Variants in PFKM observed in about 807,000 individuals in gnomAD.
PFKM encodes the protein ATP-dependent 6-phosphofructokinase, muscle type.
A neutral mutation model predicts 95.5 loss-of-function variants in PFKM; 58 were observed. That is an observed-to-expected ratio of 0.61 (90% CI 0.49 to 0.76). The LOEUF (loss-of-function observed/expected upper bound fraction) is 0.76. Among genes scored for constraint, PFKM ranks in the 30% least tolerant of loss-of-function variants. The probability of loss-of-function intolerance (pLI) is 0.00; values close to 1 mark genes in which losing one functional copy is unlikely to be tolerated. For missense variants in PFKM, 678 were observed against 1,005.4 expected (o/e 0.67, Z 4.40); for synonymous variants, 336 against 357.2 (o/e 0.94, Z 0.67).
At chr12:48,136,644 T>C (rs1206893151) in intron 10 of PFKM, among the ~76,000 whole-genome samples, 1 of 151,682 alleles carries the variant, frequency 6.6e-6, no homozygotes, top group Non-Finnish European at 1.5e-5. Context: ...CAGCAATTTA[T>C]GAACCACCTG....
At chr12:48,139,033 T>C (rs1019473820) in intron 11 of PFKM, among the ~76,000 whole-genome samples, 1 of 152,044 alleles carries the variant, frequency 6.6e-6, no homozygotes, top group East Asian at 1.9e-4. Context: ...AGAGCGAGAC[T>C]CCGTCTCAAA....
At position 48,127,637 on chromosome 12, in the gene PFKM, T is replaced by C. The variant is rs187186071; in HGVS notation, c.86-2726T>C. Among the ~76,000 whole-genome samples the C allele has an allele frequency of 1.6e-4, 24 of 152,350 alleles. 1 individual carries two copies. Among genetic ancestry groups the C allele is most frequent in the Admixed American group, 9.8e-4 (15 of 15,310 alleles). ...GTTCAGGCCTTCCACATTTCTTTTC[T>C]AGGATGCCAGGTAGCCTCCTAACCC... On this transcript the variant is annotated intron_variant, in intron 2 of 22. Transcript: ENST00000359794.
At chr12:48,112,045 T>C (rs971474502) in intron 3 of PFKM, among the ~76,000 whole-genome samples, 1 of 152,030 alleles carries the variant, frequency 6.6e-6, no homozygotes, top group Admixed American at 6.5e-5. Flanking sequence ...TAAGGTCAAG[T>C]CATTTGGATA....
chr12:48,133,613 A>G (rs1186104195), intron 6 of PFKM, 133 bp downstream of exon 6: 3 of 751,450 alleles, frequency 4.0e-6, no homozygotes, highest in Admixed American at 2.3e-5. Context: ...CTAGAACACT[A>G]TTTTTAACGA....
At chr12:48,116,307 T>C (rs994038738), upstream of PFKM, among the ~76,000 whole-genome samples, 6 of 151,962 alleles carry the variant, frequency 3.9e-5, no homozygotes, top group East Asian at 5.8e-4. Flanking sequence ...CTTTCTTTTT[T>C]TCTTTTTTGA....
intron 6 of PFKM, among the ~76,000 whole-genome samples, chr12:48,134,005 A>G (rs1306322334): frequency 6.6e-6 from 1 of 152,066 alleles, no homozygotes; most frequent in Non-Finnish European, 1.5e-5. Flanking sequence ...CCTCCCTGGA[A>G]CAGAGCCTCT....
chr12:48,132,884 G>C lies in PFKM; in HGVS notation c.254G>C (p.Gly85Ala). Residue 85 changes from glycine to alanine, a missense_variant, in exon 5 of 23, where the codon GGA becomes GCA. Gly to Ala is a moderately conservative substitution (Grantham distance 60, BLOSUM62 0). Transcript: ENST00000359794. ...MMLQLGGTVI[G>A]SARCKDFRER... ...CTTCCAAAGGGAGGCACGGTGATTG[G>C]AAGTGCCCGGTGCAAGGACTTTCGG... 4.3e-6 allele frequency: 7 copies of C among 1,613,202 alleles called. No homozygotes were observed. The highest frequency in any genetic ancestry group is 5.9e-6 in the Non-Finnish European group (7 of 1,179,530).
In PFKM at chr12:48,135,056, C is replaced by G; in HGVS notation, c.843+18C>G. 1 of 1,568,888 alleles carries G rather than the reference C, an allele frequency of 6.4e-7. No homozygotes were observed. The highest frequency in any genetic ancestry group is 1.1e-5 in the South Asian group (1 of 90,114). ...TCAAGAATGTTCGTATGAATGAAGC[C>G]AGAGAGGCCTTAGAATCCATAGCCC... On this transcript the variant is annotated intron_variant, in intron 9 of 22. Transcript: ENST00000359794.
chr12:48,132,043 CA>C, intron 4 of PFKM: 1 of 455,906 alleles, frequency 2.2e-6, no homozygotes, highest in Non-Finnish European at 4.4e-6. Flanking sequence ...AATCCATGGG[CA>C]AAAATTTAAT....
chr12:48,140,714 C>T lies in PFKM; in HGVS notation c.1192-8C>T. 6.2e-7 allele frequency: 1 copy of T among 1,614,134 alleles called. No homozygotes were observed. On this transcript the variant is annotated splice_region_variant and splice_polypyrimidine_tract_variant and intron_variant, in intron 13 of 22. Coordinates refer to ENST00000359794, the MANE Select transcript of PFKM (RefSeq NM_000289.6). The stretch of plus-strand genomic sequence containing the variant: ...TGTCCTCATTTTTCCCTGCTTCCTC[C>T]TGTATAGAGTGGTTCGCACACAGTG...
chr12:48,108,279 A>C, intron 3 of PFKM: 1 of 1,268,776 alleles, frequency 7.9e-7, no homozygotes, highest in Non-Finnish European at 1.1e-6. Flanking sequence ...AAATCAGCGT[A>C]GACCTACTAA....
At position 48,132,896 on chromosome 12, in the gene PFKM, G is replaced by C. The variant is rs1484318591; in HGVS notation, c.266G>C (p.Cys89Ser). 6.2e-7 allele frequency: 1 copy of C among 1,613,772 alleles called. No individual in the cohort carries two copies. Reference protein sequence around the residue: ...LGGTVIGSARCKDFREREGRL... With the variant: ...LGGTVIGSARSKDFREREGRL... ...GGCACGGTGATTGGAAGTGCCCGGTGCAAGGACTTTCGGGAACGAGAAGGA... is the reference window on the plus strand; with the variant it reads ...GGCACGGTGATTGGAAGTGCCCGGTCCAAGGACTTTCGGGAACGAGAAGGA... Residue 89 changes from cysteine (C) to serine (S), a missense_variant, in exon 5 of 23, where the codon TGC becomes TCC. Coordinates refer to ENST00000359794, the MANE Select transcript of PFKM (RefSeq NM_000289.6).
intron 12 of PFKM, 52 bp from the exon 13 acceptor site, chr12:48,139,797 T>C: frequency 8.3e-7 from 1 of 1,209,608 alleles, no homozygotes; most frequent in Admixed American, 1.7e-5. Context: ...CCATGGCTGC[T>C]GGCTGTGGGG....
intron 18 of PFKM, 82 bp from the exon 19 acceptor site, chr12:48,143,671 G>A: frequency 1.0e-6 from 1 of 963,782 alleles, no homozygotes; most frequent in Non-Finnish European, 1.7e-6. Context: ...CTTCCTTCCT[G>A]GAGAGGTGTG....
chr12:48,125,932 ATTAT>A (rs1303996100), intron 2 of PFKM, among the ~76,000 whole-genome samples: 6 of 152,216 alleles, frequency 3.9e-5, no homozygotes, highest in African/African-American at 1.4e-4. Context: ...GCAGAAATAA[ATTAT>A]TTAGTATCAG....
chr12:48,130,530 A>G (rs890524217), intron 3 of PFKM, 94 bp downstream of exon 3: 8 of 916,360 alleles, frequency 8.7e-6, no homozygotes, highest in Non-Finnish European at 1.5e-5. Flanking sequence ...CTTACCTCCC[A>G]GTTAGTTACA....
At chr12:48,121,419 T>G (rs568291201) in intron 1 of PFKM, among the ~76,000 whole-genome samples, 3 of 152,258 alleles carry the variant, frequency 2.0e-5, no homozygotes, top group Admixed American at 6.5e-5. Flanking sequence ...TGATTATATG[T>G]AGTACGTTCA....
Position 48,134,821 on chromosome 12 carries a change from C to G in PFKM, c.739C>G (p.Leu247Val). 1 of 1,613,328 alleles carries G rather than the reference C, an allele frequency of 6.2e-7. No individual in the cohort carries two copies. Among genetic ancestry groups the G allele is most frequent in the South Asian group, 1.1e-5 (1 of 91,068 alleles). The change falls in exon 8 of 23, where the codon CTC becomes GTC. Residue 247 changes from leucine (L) to valine (V), a missense_variant. Coordinates refer to ENST00000359794, the MANE Select transcript of PFKM (RefSeq NM_000289.6). ...DDWEEHLCRR[L>V]SETRTRGSRL... The stretch of plus-strand genomic sequence containing the variant: ...CTGGGAGGAACACCTTTGTCGCCGA[C>G]TCAGCGAGGTACTTGCACTTTATTT...
intron 1 of PFKM, 139 bp from the exon 2 acceptor site, chr12:48,122,628 C>A: frequency 6.6e-7 from 1 of 1,510,336 alleles, no homozygotes; most frequent in South Asian, 1.3e-5. Context: ...AAGTCCAAAG[C>A]TCTCAGGCTG....
Sources: allele counts gnomAD v4.1 joint callset (sites outside exome capture counted in the v4.1 genomes callset), GRCh38; gene constraint gnomAD v4.1.1; transcripts MANE v1.5; gene names NCBI Gene and HGNC (gene_info 2026-07-23, HGNC 2026-07-21).